The following CASP9 variants were observed in gnomAD, a reference collection of about 807,000 sequenced individuals.
The protein encoded by CASP9 is caspase 9.
A neutral mutation model predicts 43.5 loss-of-function variants in CASP9; 29 were observed. The observed-to-expected ratio is 0.67, with a 90% confidence interval of 0.50 to 0.91. CASP9 has a LOEUF of 0.91. Among genes scored for constraint, CASP9 ranks in the 40% least tolerant of loss-of-function variants. The pLI is 0.00. For synonymous variants in CASP9, 206 were observed against 211.9 expected, an observed-to-expected ratio of 0.97 and a Z score of 0.24; for missense variants, 575 against 537.4, an observed-to-expected ratio of 1.07 and a Z score of -0.69.
chr1:15,524,762 C>A, upstream of CASP9: 1 of 1,005,514 alleles, frequency 9.9e-7, no homozygotes, highest in South Asian at 3.7e-5. Context: ...CCTGCCACCG[C>A]GTCACCGCCC....
At position 15,518,260 on chromosome 1, in the gene CASP9, G is replaced by T. The variant is rs144884967; in HGVS notation, c.268C>A (p.Arg90=). 9.3e-6 allele frequency: 15 copies of T among 1,614,050 alleles called. No individual in the cohort carries two copies. Among genetic ancestry groups the T allele is most frequent in the Non-Finnish European group, 1.3e-5 (15 of 1,180,038 alleles). ...TGQDMLASFL[R]TNRQAAKLSK... ...AACTTTGCTGCTTGCCTGTTAGTTC[G>T]CAGAAACGAAGCCAGCATGTCCTGG... The change falls in exon 2 of 9, where the codon CGA becomes AGA. Residue 90 remains arginine, a synonymous_variant. Transcript: ENST00000333868.
rs1251810196 is a variant in CASP9, at chr1:15,518,164, T to G, written c.364A>C (p.Arg122=). 4.3e-6 allele frequency: 7 copies of G among 1,614,222 alleles called. 1 individual carries two copies. In the South Asian group the frequency reaches 6.6e-5, roughly 15 times the overall value. The change falls in exon 2 of 9, where the codon AGA becomes CGA. Residue 122 remains arginine (R), a synonymous_variant. Transcript: ENST00000333868. ...TCCACTGGTCTGGGTGTTTCCGGTCTGAGAACCTCTGGTTTGCGAATCTCT... is the reference window on the plus strand; with the variant it reads ...TCCACTGGTCTGGGTGTTTCCGGTCGGAGAACCTCTGGTTTGCGAATCTCT... ...RPEIRKPEVL[R]PETPRPVDIG...
chr1:15,499,636 C>T (rs1423146570), intron 6 of CASP9, among the ~76,000 whole-genome samples: 1 of 152,166 alleles, frequency 6.6e-6, no homozygotes, highest in Non-Finnish European at 1.5e-5. Context: ...AATTAGATAT[C>T]ACCTAAATGG....
Position 15,506,027 on chromosome 1 carries a change from T to C in CASP9, c.683A>G (p.Asp228Gly), listed in dbSNP as rs779903282. The change falls in exon 5 of 9, where the codon GAC becomes GGC. Residue 228 changes from aspartate (D) to glycine (G), a missense_variant. Physicochemically the swap from Asp to Gly is moderately conservative, Grantham distance 94. Coordinates refer to ENST00000333868, the MANE Select transcript of CASP9 (RefSeq NM_001229.5). ...ELAQQDHGAL[D>G]CCVVVILSHG... is the part of the protein sequence containing the mutation. ...AGAGAGAATGACCACCACGCAGCAG[T>C]CCAGAGCACCGTGGTCCTGCTGCGC... 23 of 1,613,962 alleles carry C rather than the reference T, an allele frequency of 1.4e-5. No homozygotes were observed. The highest frequency in any genetic ancestry group is 1.6e-5 in the Non-Finnish European group (19 of 1,179,990).
chr1:15,494,092 C>A, intron 7 of CASP9, 91 bp from the exon 8 acceptor site: 1 of 1,490,400 alleles, frequency 6.7e-7, no homozygotes, highest in South Asian at 1.3e-5. Flanking sequence ...GGCTCGGGCG[C>A]CCTCCAGACC....
At chr1:15,493,785 T>C (rs1557531764) in intron 8 of CASP9, 107 bp downstream of exon 8, 2 of 1,536,276 alleles carry the variant, frequency 1.3e-6, no homozygotes, top group East Asian at 2.4e-5. Flanking sequence ...TACTACCTTT[T>C]ACCCTTGGTT....
At chr1:15,505,883 A>G in intron 5 of CASP9, 107 bp downstream of exon 5, 1 of 924,634 alleles carries the variant, frequency 1.1e-6, no homozygotes. Context: ...GCCCTTTTCC[A>G]CAAAGCCAAG....
intron 2 of CASP9, among the ~76,000 whole-genome samples, chr1:15,514,985 A>T (rs1279169972): frequency 6.6e-6 from 1 of 152,226 alleles, no homozygotes; most frequent in Non-Finnish European, 1.5e-5. Context: ...ACCCTGGGTG[A>T]CAGAGTAAGA....
chr1:15,498,288 G>A (rs539372361), intron 6 of CASP9, among the ~76,000 whole-genome samples: 108 of 151,906 alleles, frequency 7.1e-4, no homozygotes, highest in Admixed American at 2.0e-4. Context: ...CATGTTGCCC[G>A]GGCTGGTCTC....
intron 5 of CASP9, 41 bp from the exon 6 acceptor site, chr1:15,504,799 G>C: frequency 1.3e-6 from 2 of 1,590,536 alleles, no homozygotes; most frequent in Non-Finnish European, 1.7e-6. Flanking sequence ...CAAGAAGTTG[G>C]AGTAGGAATC....
intron 8 of CASP9, chr1:15,493,595 C>T: frequency 4.2e-6 from 6 of 1,433,498 alleles, no homozygotes; most frequent in Non-Finnish European, 5.5e-6. Context: ...TGGACAGAGC[C>T]ATCCTGCGCT....
intron 3 of CASP9, 110 bp from the exon 4 acceptor site, chr1:15,507,185 G>T: frequency 7.8e-7 from 1 of 1,288,652 alleles, no homozygotes. Context: ...AGGAGTAGCA[G>T]GGTCTCCACC....
At chr1:15,518,416 G>A (rs1188102992) in intron 1 of CASP9, 21 bp from the exon 2 acceptor site, 1 of 1,603,562 alleles carries the variant, frequency 6.2e-7, no homozygotes, top group Admixed American at 1.7e-5. Flanking sequence ...AGAAAGGCAG[G>A]ATACTAATTA....
chr1:15,509,140 T>C (rs561671094), intron 2 of CASP9, among the ~76,000 whole-genome samples: 1 of 152,338 alleles, frequency 6.6e-6, no homozygotes, highest in East Asian at 1.9e-4. Context: ...GCAACCCATT[T>C]CACTGGAACC....
intron 4 of CASP9, among the ~76,000 whole-genome samples, chr1:15,506,600 G>A (rs983739820): frequency 8.5e-5 from 13 of 152,248 alleles, no homozygotes; most frequent in South Asian, 6.2e-4. Flanking sequence ...AAGGTGCTAC[G>A]CTTGGGCACT....
chr1:15,518,377 G>A lies in CASP9; in HGVS notation c.151C>T (p.Arg51Trp), dbSNP rs138834648. ...ATCAGCTGCCTGGCCTGATCCCGCC[G>A]AGATCCAGAGCCTGCCCGCTGTTTG... ...EDIQRAGSGS[R>W]RDQARQLIID... The change falls in exon 2 of 9, where the codon CGG becomes TGG. Residue 51 changes from arginine to tryptophan, a missense_variant. Physicochemically the swap from Arg to Trp is moderately radical, Grantham distance 101 (BLOSUM62 -3). Coordinates refer to ENST00000333868, the MANE Select transcript of CASP9 (RefSeq NM_001229.5). 95 of 1,611,994 alleles carry A rather than the reference G, an allele frequency of 5.9e-5. No homozygotes were observed. Among genetic ancestry groups the A allele is most frequent in the South Asian group, 1.3e-4 (12 of 91,080 alleles).
At chr1:15,498,006 G>C (rs902758204) in intron 6 of CASP9, among the ~76,000 whole-genome samples, 4 of 152,352 alleles carry the variant, frequency 2.6e-5, no homozygotes, top group African/African-American at 9.6e-5. Flanking sequence ...GTGGTCAAAT[G>C]AATTTTGAAA....
chr1:15,507,187 G>C, intron 3 of CASP9, 112 bp from the exon 4 acceptor site: 1 of 1,236,520 alleles, frequency 8.1e-7, no homozygotes, highest in Admixed American at 2.1e-5. Context: ...GAGTAGCAGG[G>C]TCTCCACCCG....
rs1710336150 is a variant in CASP9, at chr1:15,524,090, G to C, written c.111C>G (p.Pro37=). 2.0e-6 allele frequency: 3 copies of C among 1,530,842 alleles called. No individual in the cohort carries two copies. Among genetic ancestry groups the C allele is most frequent in the Non-Finnish European group, 2.6e-6 (3 of 1,143,596 alleles). 94.8% of individuals were successfully genotyped at this position (1,530,842 alleles called of 1,614,324 possible). The change falls in exon 1 of 9, where the codon CCC becomes CCG. Residue 37 remains proline (P), a synonymous_variant. Transcript: ENST00000333868. ...GCACCTGGATGTCCTCGATCATATGGGGCCTGAACAGCTCGCGGCTCAGCA... is the reference window on the plus strand; with the variant it reads ...GCACCTGGATGTCCTCGATCATATGCGGCCTGAACAGCTCGCGGCTCAGCA... The part of the protein sequence containing the change: ...DALLSRELFR[P]HMIEDIQRAG...
Sources: allele counts gnomAD v4.1 joint callset (sites outside exome capture counted in the v4.1 genomes callset), GRCh38; gene constraint gnomAD v4.1.1; transcripts MANE v1.5; gene names NCBI Gene and HGNC (gene_info 2026-07-23, HGNC 2026-07-21).